OXNAD1: variants seen among roughly 807,000 people sequenced by gnomAD.
The protein encoded by OXNAD1 is oxidoreductase NAD-binding domain-containing protein 1.
OXNAD1 carries 34 observed loss-of-function variants against 32.9 expected under a neutral mutation model. The observed-to-expected ratio is 1.03, with a 90% confidence interval of 0.79 to 1.38. OXNAD1 has a LOEUF of 1.38. OXNAD1 is among the 40% of genes most tolerant of loss of function. The pLI is 0.00. For synonymous variants in OXNAD1, 134 were observed against 135.2 expected (o/e 0.99, Z 0.06); for missense variants, 407 against 379.4 (o/e 1.07, Z -0.60).
chr3:16,271,722 G>A lies in OXNAD1; in HGVS notation c.183G>A (p.Glu61=), dbSNP rs1274843793. The change falls in exon 4 of 9, where the codon GAG becomes GAA. Residue 61 remains glutamate (E), a splice_region_variant and synonymous_variant. Coordinates refer to ENST00000285083, the MANE Select transcript of OXNAD1 (RefSeq NM_138381.5). The surrounding 1 kb of genome is among the most constrained non-coding windows in gnomAD (Gnocchi z 4.6). ...GAACTGCAAGTGTCCTTCGACGGGAGGTTTGTATCTTTGGGGTATGACAGG... is the reference window on the plus strand; with the variant it reads ...GAACTGCAAGTGTCCTTCGACGGGAAGTTTGTATCTTTGGGGTATGACAGG... ...MERTASVLRR[E]IVSAAKVCGA... 1 of 1,606,292 alleles carries A rather than the reference G, an allele frequency of 6.2e-7. No individual in the cohort carries two copies.
chr3:16,273,663 A>G (rs2065121548), intron 4 of OXNAD1, among the ~76,000 whole-genome samples: 1 of 152,216 alleles, frequency 6.6e-6, no homozygotes, highest in Non-Finnish European at 1.5e-5. Flanking sequence ...TGCTGGGATT[A>G]CAGGCATGAG....
At chr3:16,272,593 C>G (rs1023286149) in intron 4 of OXNAD1, among the ~76,000 whole-genome samples, 1 of 149,158 alleles carries the variant, frequency 6.7e-6, no homozygotes, top group Non-Finnish European at 1.5e-5. Flanking sequence ...TAACTTCTTT[C>G]AGAAAGTTAC....
rs774593981 is a variant in OXNAD1, at chr3:16,317,266, G to A, written c.*30+13674G>A. ...CAGAAAGGATGGGGATAAATAACAA[G>A]CCTCCGGGAACCCAGAGCTTCACCC... On this transcript the variant is annotated intron_variant, in intron 9 of 9. Transcript: ENST00000435829. This position sits in a 1 kb window ranked among gnomAD's most constrained non-coding sequence, Gnocchi z 4.3. 1.9e-6 allele frequency: 3 copies of A among 1,603,172 alleles called. No homozygotes were observed. The highest frequency in any genetic ancestry group is 2.5e-6 in the Non-Finnish European group (3 of 1,178,642).
At chr3:16,330,051 CCAAA>C (rs1309977444) in intron 9 of OXNAD1, among the ~76,000 whole-genome samples, 1 of 152,184 alleles carries the variant, frequency 6.6e-6, no homozygotes, top group Non-Finnish European at 1.5e-5. Flanking sequence ...AGGATTTCTC[CCAAA>C]CATTTTTTCC....
At chr3:16,343,188 G>A (rs1270215791) in intron 9 of OXNAD1, among the ~76,000 whole-genome samples, 1 of 152,144 alleles carries the variant, frequency 6.6e-6, no homozygotes, top group East Asian at 1.9e-4. Flanking sequence ...GGACTAGCAA[G>A]GTTTGGGAAC....
At position 16,271,111 on chromosome 3, in the gene OXNAD1, T is replaced by G. The variant is rs367906205; in HGVS notation, c.119+40T>G. The G allele has an allele frequency of 1.0e-4, 160 of 1,606,172 alleles. No individual in the cohort carries two copies. The African/African-American group carries it at 1.9e-3, about 19-fold the overall frequency. On this transcript the variant is annotated intron_variant, in intron 3 of 8. Transcript: ENST00000285083. This position sits in a 1 kb window ranked among gnomAD's most constrained non-coding sequence, Gnocchi z 4.6. ...CTTCTGTGTCATTTGAAGTTAATTTTCAAAGAGACCCGACCTGCTGATGGT... is the reference window on the plus strand; with the variant it reads ...CTTCTGTGTCATTTGAAGTTAATTTGCAAAGAGACCCGACCTGCTGATGGT...
chr3:16,318,738 G>A lies in OXNAD1; in HGVS notation c.*30+15146G>A, dbSNP rs1367111180. Among the ~76,000 whole-genome samples, 4 of 152,192 alleles carry A rather than the reference G, an allele frequency of 2.6e-5. No homozygotes were observed. The East Asian group carries it at 7.7e-4, about 29-fold the overall frequency. Reference sequence around the variant, plus strand: ...CATTTATCTGGTCCTTTCCCACCCTGTATCCCCCAAAAAACCCAAATGAGT... The same window carrying A: ...CATTTATCTGGTCCTTTCCCACCCTATATCCCCCAAAAAACCCAAATGAGT... On this transcript the variant is annotated intron_variant, in intron 9 of 9. Coordinates refer to the OXNAD1 transcript ENST00000435829.
At position 16,297,518 on chromosome 3, in the gene OXNAD1, G is replaced by T. The variant is rs540006269; in HGVS notation, c.432+2521G>T. 6.6e-6 allele frequency among the ~76,000 whole-genome samples: 1 copy of T among 152,212 alleles called. No homozygotes were observed. Among genetic ancestry groups the T allele is most frequent in the South Asian group, 2.1e-4 (1 of 4,816 alleles). ...TTCTGAGTGTCTTAGAGAAATGAAG[G>T]CTATGTTTATATAAAAGCATAACAT... On this transcript the variant is annotated intron_variant, in intron 6 of 8. Transcript: ENST00000285083. The surrounding 1 kb of genome is among the most constrained non-coding windows in gnomAD (Gnocchi z 4.3).
At chr3:16,272,008 G>C in intron 4 of OXNAD1, 2 of 514,618 alleles carry the variant, frequency 3.9e-6, no homozygotes, top group Non-Finnish European at 7.0e-6. Flanking sequence ...ATGATGTTTA[G>C]GGTTATGTTT....
rs2068357427 is a variant in OXNAD1, at chr3:16,316,052, A to T, written c.*30+12460A>T. On this transcript the variant is annotated intron_variant, in intron 9 of 9. Transcript: ENST00000435829. The surrounding 1 kb of genome is among the most constrained non-coding windows in gnomAD (Gnocchi z 4.5). The stretch of plus-strand genomic sequence containing the variant: ...AACTTGACCAATGTTACACTGATTA[A>T]AATAGCACATAACAAGGGCGCCAGC... 1 of 152,698 alleles carries T rather than the reference A, an allele frequency of 6.5e-6. No homozygotes were observed. The highest frequency in any genetic ancestry group is 1.5e-5 in the Non-Finnish European group (1 of 68,154). The allele number at this position is 152,698 out of a possible 1,614,324, so 9.5% of individuals were successfully genotyped here. A position where few individuals can be genotyped will look rare whatever the true frequency, so the allele number is the denominator to read the frequency against.
chr3:16,313,068 C>T (rs1336489053), intron 9 of OXNAD1, among the ~76,000 whole-genome samples: 3 of 148,410 alleles, frequency 2.0e-5, no homozygotes, highest in African/African-American at 7.5e-5. Context: ...TTTTTTTTGA[C>T]AGGGTCTTGT....
rs139503802 is a variant in OXNAD1 at position 16,284,333 on chromosome 3, C to T, written c.184-2009C>T. On this transcript the variant is annotated intron_variant, in intron 4 of 8. Transcript: ENST00000285083. The surrounding 1 kb of genome is among the most constrained non-coding windows in gnomAD (Gnocchi z 4.1). Reference sequence around the variant, plus strand: ...AATACAGTCATGTGTTGCCTGCTGACGGGGATGTTTTGATAAATGTGTCAT... The same window carrying T: ...AATACAGTCATGTGTTGCCTGCTGATGGGGATGTTTTGATAAATGTGTCAT... Among the ~76,000 whole-genome samples, 25 of 152,226 alleles carry T rather than the reference C, an allele frequency of 1.6e-4. 1 individual carries two copies. Among genetic ancestry groups the T allele is most frequent in the South Asian group, 2.1e-4 (1 of 4,818 alleles).
Position 16,265,795 on chromosome 3 carries a change from AATC to A in OXNAD1, c.-159+293_-159+295del. ...ACAGAGAGTTGGGCATCTTGACTAAAATCATACACCTGGGAAATAATGAAGAGC... is the reference window on the plus strand; with the variant it reads ...ACAGAGAGTTGGGCATCTTGACTAAAATACACCTGGGAAATAATGAAGAGC... On this transcript the variant is annotated intron_variant, in intron 1 of 8. Coordinates refer to ENST00000285083, the MANE Select transcript of OXNAD1 (RefSeq NM_138381.5). The surrounding 1 kb of genome is among the most constrained non-coding windows in gnomAD (Gnocchi z 4.8). 1.1e-6 allele frequency: 1 copy of A among 912,804 alleles called. No individual in the cohort carries two copies. Among genetic ancestry groups the A allele is most frequent in the Non-Finnish European group, 1.3e-6 (1 of 763,858 alleles). The allele number at this position is 912,804 out of a possible 1,614,324, so 56.5% of individuals were successfully genotyped here. A position where few individuals can be genotyped will look rare whatever the true frequency, so the allele number is the denominator to read the frequency against.
chr3:16,345,817 T>TGTGTGTGTGTGTGTGTGCGC lies in OXNAD1; in HGVS notation c.*31-3358_*31-3357insTGTGTGTGTGTGTGTGCGCG, dbSNP rs1160939614. Among the ~76,000 whole-genome samples, 1 of 74,540 alleles carries TGTGTGTGTGTGTGTGTGCGC rather than the reference T, an allele frequency of 1.3e-5. No homozygotes were observed. The highest frequency in any genetic ancestry group is 5.5e-5 in the African/African-American group (1 of 18,090). 48.9% of individuals were successfully genotyped at this position (74,540 alleles called of 152,430 possible). A position where few individuals can be genotyped will look rare whatever the true frequency, so the allele number is the denominator to read the frequency against. ...GTGTGTGTGTGTGTGTGTGTGTGTG[T>TGTGTGTGTGTGTGTGTGCGC]GCGCGCGCGCGTGCGCGCACGCGCA... On this transcript the variant is annotated intron_variant, in intron 9 of 9. Coordinates refer to the OXNAD1 transcript ENST00000606098. The surrounding 1 kb of genome is among the most constrained non-coding windows in gnomAD (Gnocchi z 5.2).
chr3:16,301,741 C>G lies in OXNAD1; in HGVS notation c.548C>G (p.Pro183Arg). The G allele has an allele frequency of 6.2e-7, 1 of 1,614,010 alleles. No homozygotes were observed. The highest frequency in any genetic ancestry group is 8.5e-7 in the Non-Finnish European group (1 of 1,179,986). ...ATTGCAGGAGGAGTCGGAATTAACC[C>G]TCTGCTTTCCATCCTGCGGCACGCA... ...VLIAGGVGIN[P>R]LLSILRHAAD... Residue 183 changes from proline (P) to arginine (R), a missense_variant, in exon 7 of 9, where the codon CCT (proline) becomes CGT (arginine). By Grantham distance (103) the Pro-to-Arg change is moderately radical. Transcript: ENST00000285083. The surrounding 1 kb of genome is among the most constrained non-coding windows in gnomAD (Gnocchi z 4.1).
At chr3:16,300,921 G>A (rs1394676541) in intron 6 of OXNAD1, among the ~76,000 whole-genome samples, 1 of 152,180 alleles carries the variant, frequency 6.6e-6, no homozygotes, top group South Asian at 2.1e-4. Flanking sequence ...ACCTTCATCA[G>A]AAGCAGTAGC....
chr3:16,326,739 TC>T, intron 9 of OXNAD1: 1 of 1,494,710 alleles, frequency 6.7e-7, no homozygotes, highest in Non-Finnish European at 9.3e-7. Flanking sequence ...GAGTAAGTGT[TC>T]AATAGAATCC....
At chr3:16,343,057 C>T (rs2071416109) in intron 9 of OXNAD1, among the ~76,000 whole-genome samples, 1 of 152,118 alleles carries the variant, frequency 6.6e-6, no homozygotes, top group African/African-American at 2.4e-5. Context: ...GTTGCCCAGG[C>T]TGGTTTTGAA....
rs889340984 is a variant in OXNAD1, at chr3:16,312,624, G to A, written c.*30+9032G>A. On this transcript the variant is annotated intron_variant, in intron 9 of 9. Transcript: ENST00000435829. This position sits in a 1 kb window ranked among gnomAD's most constrained non-coding sequence, Gnocchi z 4.7. ...GGAGCTCAGCTAGAGTGGGTTGCAC[G>A]AGTCGTGAGTTTGGGGTCAACCTAT... is the stretch of plus-strand genomic sequence containing the variant. 2.0e-5 allele frequency among the ~76,000 whole-genome samples: 3 copies of A among 152,218 alleles called. No individual in the cohort carries two copies. The highest frequency in any genetic ancestry group is 4.4e-5 in the Non-Finnish European group (3 of 68,040).
Sources: allele counts gnomAD v4.1 joint callset (sites outside exome capture counted in the v4.1 genomes callset), GRCh38; gene constraint gnomAD v4.1.1; non-coding constraint Gnocchi (gnomAD v3.1); transcripts MANE v1.5; gene names NCBI Gene and HGNC (gene_info 2026-07-23, HGNC 2026-07-21).